Variants in DNAH8 observed in about 807,000 individuals in gnomAD.
The protein encoded by DNAH8 is axonemal beta dynein heavy chain 8.
DNAH8 carries 382 observed loss-of-function variants against 562.1 expected under a neutral mutation model. The ratio of observed to expected loss-of-function variants is 0.68; its 90% CI spans 0.63 to 0.74. DNAH8 has a LOEUF of 0.74. DNAH8 is among the 30% of genes least tolerant of loss of function. The pLI is 0.00. For synonymous variants in DNAH8, 1,881 were observed against 1,919.4 expected (o/e 0.98, Z 0.52); for missense variants, 5,203 against 5,620.4 (o/e 0.93, Z 2.37).
intron 88 of DNAH8, among the ~76,000 whole-genome samples, chr6:39,007,532 T>C (rs1419525353): frequency 6.6e-6 from 1 of 152,198 alleles, no homozygotes; most frequent in Non-Finnish European, 1.5e-5. Flanking sequence ...CAGAAAAGGC[T>C]GAAAAATTTA....
In DNAH8 at chr6:38,779,978, G is replaced by C. The variant is rs952261234; in HGVS notation, c.2052G>C (p.Leu684=). 6.2e-7 allele frequency: 1 copy of C among 1,613,908 alleles called. No individual in the cohort carries two copies. The highest frequency in any genetic ancestry group is 1.1e-5 in the South Asian group (1 of 91,056). Residue 684 remains leucine (L), a synonymous_variant, in exon 15 of 93, where the codon CTG becomes CTC. Transcript: ENST00000327475. ...TGATTACTTTTAGGTTTCAGAAGCT[G>C]AACATTCCCTGTCTGGGATTAGAAA... is the stretch of plus-strand genomic sequence containing the variant. ...ALQLLQRFQK[L]NIPCLGLEIN... is the part of the protein sequence containing the mutation.
intron 87 of DNAH8, among the ~76,000 whole-genome samples, chr6:38,986,156 A>G (rs1395201724): frequency 1.3e-5 from 2 of 152,220 alleles, no homozygotes; most frequent in African/African-American, 4.8e-5. Flanking sequence ...AATGTACCAA[A>G]TAGATTATTC....
At chr6:38,937,219 G>C (rs943294260) in intron 77 of DNAH8, among the ~76,000 whole-genome samples, 2 of 63,806 alleles carry the variant, frequency 3.1e-5, no homozygotes, top group Non-Finnish European at 1.0e-4. Context: ...TAGGGGTCTG[G>C]GGGGAGGGAT....
intron 24 of DNAH8, among the ~76,000 whole-genome samples, chr6:38,809,810 A>G (rs1156384748): frequency 6.6e-6 from 1 of 152,138 alleles, no homozygotes; most frequent in South Asian, 2.1e-4. Flanking sequence ...TGTTTTATGT[A>G]TTCTATGGCT....
chr6:38,865,143 G>A (rs1776941936), intron 45 of DNAH8, among the ~76,000 whole-genome samples: 1 of 152,054 alleles, frequency 6.6e-6, no homozygotes, highest in Admixed American at 6.6e-5. Flanking sequence ...GCTTTTATGT[G>A]TTTTCCATAA....
chr6:38,814,978 G>A (rs532721942), intron 25 of DNAH8, among the ~76,000 whole-genome samples: 4 of 152,232 alleles, frequency 2.6e-5, no homozygotes, highest in South Asian at 2.1e-4. Context: ...GAAACGGTCC[G>A]TGACTCACCT....
chr6:38,827,746 T>C (rs1773485573), intron 29 of DNAH8, among the ~76,000 whole-genome samples: 6 of 118,806 alleles, frequency 5.1e-5, no homozygotes, highest in African/African-American at 1.8e-4. Context: ...TTTTTTTTTT[T>C]TTTTTTTTTT....
chr6:38,950,139 C>A (rs1761760808), intron 81 of DNAH8, among the ~76,000 whole-genome samples: 1 of 150,332 alleles, frequency 6.7e-6, no homozygotes, highest in African/African-American at 2.5e-5. Context: ...TTCTCAGTAT[C>A]CAGTAACTCA....
chr6:38,751,990 G>T lies in DNAH8; in HGVS notation c.1407+1401G>T, dbSNP rs186010478. 2.5e-3 allele frequency among the ~76,000 whole-genome samples: 388 copies of T among 152,284 alleles called. 1 individual carries two copies. The highest frequency in any genetic ancestry group is 8.9e-3 in the African/African-American group (368 of 41,554). On this transcript the variant is annotated intron_variant, in intron 9 of 92. Transcript: ENST00000327475. ...TATGTTTTCATTCTCTATGCACAAT[G>T]ACCCTCATTTCAAAGATTAGGAAAC...
In DNAH8 at chr6:38,852,809, T is replaced by C. The variant is rs1384188897; in HGVS notation, c.5571+11T>C. ...GGAGAAAAAATTGTTGTAATTTACC[T>C]TGCTTTAAATTTTTTTATTAGAATT... is the stretch of plus-strand genomic sequence containing the variant. On this transcript the variant is annotated intron_variant, in intron 40 of 92. Transcript: ENST00000327475. 1.3e-6 allele frequency: 2 copies of C among 1,591,902 alleles called. No individual in the cohort carries two copies. Among genetic ancestry groups the C allele is most frequent in the South Asian group, 1.1e-5 (1 of 90,316 alleles).
chr6:38,822,779 T>A (rs896381838), intron 26 of DNAH8, 59 bp from the exon 27 acceptor site: 18 of 1,207,778 alleles, frequency 1.5e-5, no homozygotes, highest in Non-Finnish European at 2.0e-5. Context: ...ATATTAAAAC[T>A]GATAATATTT....
At chr6:38,870,096 G>T (rs1255148680) in intron 48 of DNAH8, among the ~76,000 whole-genome samples, 2 of 152,150 alleles carry the variant, frequency 1.3e-5, no homozygotes, top group African/African-American at 4.8e-5. Context: ...GATCTTGTGA[G>T]ACTTATTCAC....
chr6:38,821,675 C>G (rs1477773427), intron 26 of DNAH8, among the ~76,000 whole-genome samples: 1 of 152,064 alleles, frequency 6.6e-6, no homozygotes, highest in East Asian at 1.9e-4. Flanking sequence ...GCAATCCTCC[C>G]CTTTCAGCCT....
At chr6:38,926,342 T>C in intron 74 of DNAH8, 132 bp downstream of exon 74, 1 of 964,014 alleles carries the variant, frequency 1.0e-6, no homozygotes, top group Non-Finnish European at 1.5e-6. Context: ...TTGAGTTTTG[T>C]AACAGCAATT....
chr6:38,881,977 A>T (rs1778530687), intron 53 of DNAH8, among the ~76,000 whole-genome samples: 1 of 152,114 alleles, frequency 6.6e-6, no homozygotes. Flanking sequence ...TGGTTTTACC[A>T]CCGGCTGATT....
intron 87 of DNAH8, among the ~76,000 whole-genome samples, chr6:38,986,901 A>G (rs1458368314): frequency 6.6e-6 from 1 of 152,280 alleles, no homozygotes; most frequent in Non-Finnish European, 1.5e-5. Context: ...TCTATTAGAC[A>G]TCCAAATCAA....
chr6:38,835,818 G>A (rs184631620), intron 32 of DNAH8, among the ~76,000 whole-genome samples: 1 of 152,226 alleles, frequency 6.6e-6, no homozygotes, highest in African/African-American at 2.4e-5. Flanking sequence ...TCTATCTTGA[G>A]GGTTGGAGGG....
intron 19 of DNAH8, among the ~76,000 whole-genome samples, 157 bp from the exon 20 acceptor site, chr6:38,790,132 G>C (rs2127654933): frequency 6.6e-6 from 1 of 151,998 alleles, no homozygotes; most frequent in Non-Finnish European, 1.5e-5. Context: ...GACAGCCAAA[G>C]ATGGTTAAAA....
Position 38,921,465 on chromosome 6 carries a change from A to T in DNAH8, c.10621A>T (p.Lys3541Ter). Reference protein sequence around the residue: ...LLDEKQAELDKVQAKFDAAMN... With the variant: ...LLDEKQAELD ...GGATGAGAAGCAAGCTGAGCTGGAT[A>T]AAGTACAGGCAAAATTTGATGCAGC... Residue 3541 changes from lysine (K) to a stop codon, truncating the protein, a stop_gained, in exon 71 of 93, where the codon AAA becomes TAA. Transcript: ENST00000327475. LOFTEE classifies it high-confidence loss of function. The T allele has an allele frequency of 6.2e-7, 1 of 1,613,784 alleles. No homozygotes were observed. The highest frequency in any genetic ancestry group is 1.1e-5 in the South Asian group (1 of 91,044).
Sources: allele counts gnomAD v4.1 joint callset (sites outside exome capture counted in the v4.1 genomes callset), GRCh38; gene constraint gnomAD v4.1.1; transcripts MANE v1.5; gene names NCBI Gene and HGNC (gene_info 2026-07-23, HGNC 2026-07-21).